The following FOXN2 variants were observed in gnomAD, a reference collection of about 807,000 sequenced individuals.
FOXN2 encodes the protein forkhead box protein N2.
A neutral mutation model predicts 41.2 loss-of-function variants in FOXN2; 19 were observed. The ratio of observed to expected loss-of-function variants is 0.46; its 90% CI spans 0.32 to 0.68. FOXN2 has a LOEUF of 0.68. Ranked by LOEUF, FOXN2 falls within the 30% of genes least tolerant of loss-of-function variation. The pLI is 0.03. For missense variants in FOXN2, 587 were observed against 509.4 expected, an observed-to-expected ratio of 1.15 and a Z score of -1.47; for synonymous variants, 195 against 176.8, an observed-to-expected ratio of 1.10 and a Z score of -0.82.
chr2:48,318,411 T>C (rs947576120), intron 1 of FOXN2, among the ~76,000 whole-genome samples: 1 of 152,226 alleles, frequency 6.6e-6, no homozygotes, highest in African/African-American at 2.4e-5. Flanking sequence ...ACTGGGATTA[T>C]GAGTTTTAGG....
intron 5 of FOXN2, among the ~76,000 whole-genome samples, chr2:48,369,598 C>T (rs1672755272): frequency 6.6e-6 from 1 of 152,118 alleles, no homozygotes; most frequent in Non-Finnish European, 1.5e-5. Context: ...TTTATAGGTG[C>T]TTCATTTATA....
chr2:48,375,114 C>G lies in FOXN2; in HGVS notation c.967C>G (p.Leu323Val), dbSNP rs1482732223. 23 of 1,613,942 alleles carry G rather than the reference C, an allele frequency of 1.4e-5. No individual in the cohort carries two copies. Among genetic ancestry groups the G allele is most frequent in the African/African-American group, 2.7e-5 (2 of 74,928 alleles). ...RCASRSSVSS[L>V]SSVDEVYEFI... ...TGCATCCAGGTCTAGCGTGTCTTCC[C>G]TGTCTTCTGTGGATGAGGTATATGA... Residue 323 changes from leucine (L) to valine (V), a missense_variant, in exon 7 of 7, where the codon CTG becomes GTG. Transcript: ENST00000340553.
chr2:48,375,416 ACAAAAT>A lies in FOXN2; in HGVS notation c.1275_1280del (p.Asn425_Gln426del). The A allele has an allele frequency of 6.2e-7, 1 of 1,607,348 alleles. No individual in the cohort carries two copies. The highest frequency in any genetic ancestry group is 1.1e-5 in the South Asian group (1 of 90,706). On this transcript the variant is annotated inframe_deletion, in exon 7 of 7. Coordinates refer to ENST00000340553, the MANE Select transcript of FOXN2 (RefSeq NM_002158.4). Reference sequence around the variant, plus strand: ...GTTCCCTAATAAGTACTGCAAAGACACAAAATCAAAAGCAACGGAAAAAATAGAAAT... The same window carrying A: ...GTTCCCTAATAAGTACTGCAAAGACACAAAAGCAACGGAAAAAATAGAAAT...
Position 48,377,921 on chromosome 2 carries a change from A to T in FOXN2, c.*2478A>T, listed in dbSNP as rs892930191. 6.6e-6 allele frequency: 1 copy of T among 152,066 alleles called. No individual in the cohort carries two copies. Among genetic ancestry groups the T allele is most frequent in the African/African-American group, 2.4e-5 (1 of 41,446 alleles). 9.4% of individuals were successfully genotyped at this position (152,066 alleles called of 1,614,324 possible). ...ATTAAGTAGAGTCATTCCAAGTCCT[A>T]TGGCCTGGAAATTGTATTCCCTATA... On this transcript the variant is annotated 3_prime_UTR_variant, in exon 7 of 7. Coordinates refer to ENST00000340553, the MANE Select transcript of FOXN2 (RefSeq NM_002158.4).
rs780937696 is a variant in FOXN2, at chr2:48,375,391, G to A, written c.1244G>A (p.Gly415Asp). 46 of 1,613,544 alleles carry A rather than the reference G, an allele frequency of 2.9e-5. No individual in the cohort carries two copies. The highest frequency in any genetic ancestry group is 1.7e-4 in the Middle Eastern group (1 of 6,028). The change falls in exon 7 of 7, where the codon GGT (glycine) becomes GAT (aspartate). Residue 415 changes from glycine (G) to aspartate (D), a missense_variant. Gly to Asp is a moderately conservative substitution (Grantham distance 94). Coordinates refer to ENST00000340553, the MANE Select transcript of FOXN2 (RefSeq NM_002158.4). ...LHLAGIRTCL[G>D]SLISTAKTQN... ...CTTGCTGGAATTCGTACATGTTTAG[G>A]TTCCCTAATAAGTACTGCAAAGACA...
intron 2 of FOXN2, among the ~76,000 whole-genome samples, chr2:48,333,961 A>G (rs1670178821): frequency 6.6e-6 from 1 of 152,076 alleles, no homozygotes; most frequent in African/African-American, 2.4e-5. Flanking sequence ...ATTTGGCCCT[A>G]AGGTTTTTAG....
rs542310527 is a variant in FOXN2, at chr2:48,378,386, A to T, written c.*2943A>T. On this transcript the variant is annotated 3_prime_UTR_variant, in exon 7 of 7. Transcript: ENST00000340553. The stretch of plus-strand genomic sequence containing the variant: ...ATATAGTAAAGTTTAGTATATATAT[A>T]TTTTTTTCTTTTTGCTACTTTCTGA... 1.6e-4 allele frequency: 24 copies of T among 151,376 alleles called. No homozygotes were observed. The highest frequency in any genetic ancestry group is 4.2e-4 in the South Asian group (2 of 4,790). The allele number at this position is 151,376 out of a possible 1,614,324, so 9.4% of individuals were successfully genotyped here.
chr2:48,361,802 C>A (rs1016829623), intron 4 of FOXN2, among the ~76,000 whole-genome samples: 2 of 151,952 alleles, frequency 1.3e-5, no homozygotes, highest in African/African-American at 4.8e-5. Flanking sequence ...CTGTTGGTGT[C>A]TTTCCATGAA....
In FOXN2 at chr2:48,321,885, C is replaced by G. The variant is rs556347824; in HGVS notation, c.-156-6676C>G. 1.1e-4 allele frequency among the ~76,000 whole-genome samples: 17 copies of G among 152,270 alleles called. No homozygotes were observed. The East Asian group carries it at 3.3e-3, about 29-fold the overall frequency. The stretch of plus-strand genomic sequence containing the variant: ...TGTGGGATAACATTGAAAGTGAGAA[C>G]TACAGGTCTAGTGGCTGAGATAGAA... On this transcript the variant is annotated intron_variant, in intron 1 of 6. Transcript: ENST00000340553.
At chr2:48,324,834 T>C (rs1315212839) in intron 1 of FOXN2, among the ~76,000 whole-genome samples, 2 of 152,148 alleles carry the variant, frequency 1.3e-5, no homozygotes, top group Non-Finnish European at 2.9e-5. Flanking sequence ...AAAGAGGAAA[T>C]GTAAATGCAG....
chr2:48,356,406 A>T (rs56163539), intron 3 of FOXN2, among the ~76,000 whole-genome samples: 1 of 151,842 alleles, frequency 6.6e-6, no homozygotes, highest in South Asian at 2.1e-4. Context: ...GCGCCACTGC[A>T]CTCCAGCCTG....
intron 4 of FOXN2, among the ~76,000 whole-genome samples, chr2:48,360,844 C>A (rs1280015836): frequency 7.0e-6 from 1 of 143,846 alleles, no homozygotes; most frequent in Non-Finnish European, 1.5e-5. Context: ...GAAACCCTGT[C>A]TCTACCAAAA....
Position 48,376,801 on chromosome 2 carries a change from T to A in FOXN2, c.*1358T>A, listed in dbSNP as rs1673281797. Reference sequence around the variant, plus strand: ...TTTTTTACAATGGTGGAAGCAACTTTCTGAAAGTTCAGTCTTATGCTACAT... The same window carrying A: ...TTTTTTACAATGGTGGAAGCAACTTACTGAAAGTTCAGTCTTATGCTACAT... On this transcript the variant is annotated 3_prime_UTR_variant, in exon 7 of 7. Coordinates refer to ENST00000340553, the MANE Select transcript of FOXN2 (RefSeq NM_002158.4). 1 of 152,464 alleles carries A rather than the reference T, an allele frequency of 6.6e-6. No individual in the cohort carries two copies. The highest frequency in any genetic ancestry group is 2.4e-5 in the African/African-American group (1 of 41,450). The allele number at this position is 152,464 out of a possible 1,614,324, so 9.4% of individuals were successfully genotyped here. A position where few individuals can be genotyped will look rare whatever the true frequency, so the allele number is the denominator to read the frequency against.
At chr2:48,352,047 A>G (rs1361752484) in intron 3 of FOXN2, among the ~76,000 whole-genome samples, 1 of 132,596 alleles carries the variant, frequency 7.5e-6, no homozygotes, top group Non-Finnish European at 1.7e-5. Flanking sequence ...CTTGGACTTC[A>G]GTTTTGGGCT....
chr2:48,321,055 T>C (rs141114538), intron 1 of FOXN2, among the ~76,000 whole-genome samples: 44 of 152,324 alleles, frequency 2.9e-4, no homozygotes, highest in African/African-American at 1.0e-3. Context: ...TGTTTCAGTT[T>C]TCTAGTACAG....
chr2:48,342,910 G>A (rs1670868564), intron 2 of FOXN2, among the ~76,000 whole-genome samples: 1 of 152,072 alleles, frequency 6.6e-6, no homozygotes, highest in Non-Finnish European at 1.5e-5. Flanking sequence ...GGCATATTTT[G>A]CTGCCATACT....
intron 3 of FOXN2, among the ~76,000 whole-genome samples, chr2:48,349,483 A>T (rs1057137112): frequency 6.6e-6 from 1 of 151,872 alleles, no homozygotes; most frequent in Non-Finnish European, 1.5e-5. Context: ...GTCTCAAAAT[A>T]AAAAAATAAG....
intron 5 of FOXN2, 33 bp downstream of exon 5, chr2:48,362,740 C>G: frequency 6.4e-7 from 1 of 1,556,688 alleles, no homozygotes; most frequent in Non-Finnish European, 8.9e-7. Context: ...TCATGCACCA[C>G]ACAACAATCT....
At chr2:48,371,727 T>C (rs1389611946) in intron 5 of FOXN2, among the ~76,000 whole-genome samples, 1 of 152,196 alleles carries the variant, frequency 6.6e-6, no homozygotes, top group Non-Finnish European at 1.5e-5. Flanking sequence ...TTCCTATCCA[T>C]GAGTATGGGA....
Sources: gnomAD v4.1 joint callset for allele counts (sites outside exome capture counted in the v4.1 genomes callset) on GRCh38, gnomAD v4.1.1 for gene constraint, MANE v1.5 for transcripts, NCBI Gene and HGNC (gene_info 2026-07-23, HGNC 2026-07-21) for gene names.